The following RBFOX1 variants were observed in gnomAD, a reference collection of about 807,000 sequenced individuals.
The protein encoded by RBFOX1 is RNA binding protein fox-1 homolog 1.
Under a neutral mutation model 57.7 loss-of-function variants are expected in RBFOX1, and 8 were observed. That is an observed-to-expected ratio of 0.14 (90% confidence interval 0.08 to 0.25). The LOEUF is 0.25. Among genes scored for constraint, RBFOX1 ranks in the 10% least tolerant of loss-of-function variants. RBFOX1 has a pLI of 1.00. For synonymous variants in RBFOX1, 326 were observed against 222.4 expected (o/e 1.47, Z -4.15); for missense variants, 611 against 548.5 (o/e 1.11, Z -1.14).
At chr16:6,585,518 C>G (rs1345711554) in intron 2 of RBFOX1, among the ~76,000 whole-genome samples, 2 of 152,204 alleles carry the variant, frequency 1.3e-5, no homozygotes, top group African/African-American at 4.8e-5. Context: ...TTCATCTTGA[C>G]ATGTTTTGCA....
chr16:7,076,706 T>C (rs553348097), intron 4 of RBFOX1, among the ~76,000 whole-genome samples: 12 of 152,310 alleles, frequency 7.9e-5, no homozygotes, highest in Non-Finnish European at 1.6e-4. Flanking sequence ...AAATACCACC[T>C]TCCCATTTCT....
At chr16:5,885,547 CT>C (rs1394565933) in intron 4 of RBFOX1, among the ~76,000 whole-genome samples, 3 of 152,106 alleles carry the variant, frequency 2.0e-5, no homozygotes, top group Admixed American at 1.3e-4. Flanking sequence ...ATCTCCTTTC[CT>C]TCCTCAAAGT....
chr16:7,170,417 A>G (rs907760510), intron 4 of RBFOX1, among the ~76,000 whole-genome samples: 6 of 152,012 alleles, frequency 3.9e-5, no homozygotes, highest in African/African-American at 1.5e-4. Flanking sequence ...GACTACAGGC[A>G]CAGGTCACCA....
At chr16:6,123,269 T>G (rs753486320) in intron 1 of RBFOX1, among the ~76,000 whole-genome samples, 1 of 152,198 alleles carries the variant, frequency 6.6e-6, no homozygotes, top group Non-Finnish European at 1.5e-5. Flanking sequence ...CATCCATGGA[T>G]GAATGAATAA....
At chr16:7,440,063 C>T (rs903124405) in intron 4 of RBFOX1, among the ~76,000 whole-genome samples, 2 of 151,406 alleles carry the variant, frequency 1.3e-5, no homozygotes, top group African/African-American at 4.9e-5. Context: ...GTGATCCTCC[C>T]ACCTCAGCCC....
intron 2 of RBFOX1, among the ~76,000 whole-genome samples, chr16:6,371,025 G>A (rs1268504084): frequency 1.3e-5 from 2 of 152,122 alleles, no homozygotes; most frequent in Non-Finnish European, 2.9e-5. Context: ...ATACCCCCAA[G>A]TAATAATGTC....
intron 3 of RBFOX1, among the ~76,000 whole-genome samples, chr16:5,680,407 G>T (rs61172266): frequency 0.074 from 11,324 of 152,138 alleles, 1,359 homozygotes; most frequent in African/African-American, 0.25. Flanking sequence ...ATCCATGGGG[G>T]CTGAGGCAGG....
At chr16:6,131,066 G>C (rs1193384739) in intron 1 of RBFOX1, among the ~76,000 whole-genome samples, 1 of 152,126 alleles carries the variant, frequency 6.6e-6, no homozygotes, top group East Asian at 1.9e-4. Context: ...CATACTCTAT[G>C]TTTCCATTTA....
At chr16:6,234,405 G>T (rs1039077975) in intron 1 of RBFOX1, among the ~76,000 whole-genome samples, 12 of 152,164 alleles carry the variant, frequency 7.9e-5, no homozygotes, top group Non-Finnish European at 1.5e-4. Flanking sequence ...GTCCCATGAG[G>T]ATAGGGGCTA....
chr16:7,248,148 C>A (rs73552731), intron 4 of RBFOX1, among the ~76,000 whole-genome samples: 1 of 152,166 alleles, frequency 6.6e-6, no homozygotes, highest in African/African-American at 2.4e-5. Flanking sequence ...AGATGGCTCT[C>A]AGTTTTGAGC....
At chr16:6,513,778 T>G (rs887917359) in intron 2 of RBFOX1, among the ~76,000 whole-genome samples, 1 of 152,026 alleles carries the variant, frequency 6.6e-6, no homozygotes, top group African/African-American at 2.4e-5. Flanking sequence ...CTGGAAACCA[T>G]GACATCATTG....
At chr16:6,597,765 C>A (rs1286651549) in intron 2 of RBFOX1, among the ~76,000 whole-genome samples, 1 of 152,180 alleles carries the variant, frequency 6.6e-6, no homozygotes, top group Non-Finnish European at 1.5e-5. Flanking sequence ...GGATTTTCTT[C>A]CAGTTTAAAA....
At chr16:7,698,467 G>C (rs2079537635) in intron 14 of RBFOX1, among the ~76,000 whole-genome samples, 1 of 152,056 alleles carries the variant, frequency 6.6e-6, no homozygotes, top group African/African-American at 2.4e-5. Flanking sequence ...CCAATTAGAA[G>C]CAAGTTCAGG....
chr16:6,611,507 C>G (rs1320382756), intron 2 of RBFOX1, among the ~76,000 whole-genome samples: 1 of 152,128 alleles, frequency 6.6e-6, no homozygotes. Context: ...CTTGGATGCT[C>G]TTTGCCCCCG....
At chr16:5,709,837 ATATATATTTTTTTTTTTTTTTTTT>A (rs1328480594) in intron 3 of RBFOX1, among the ~76,000 whole-genome samples, 10 of 6,856 alleles carry the variant, frequency 1.5e-3, no homozygotes, top group East Asian at 0.016. Context: ...ATATATATAT[ATATATATTTTTTTTTTTTTTTTTT>A]TTTTTTTTTT....
rs77402537 is a variant in RBFOX1, at chr16:5,629,624, G to A, written c.318+30663G>A. Among the ~76,000 whole-genome samples, 900 of 152,300 alleles carry A rather than the reference G, an allele frequency of 5.9e-3. 8 individuals are homozygous for A. The highest frequency in any genetic ancestry group is 0.021 in the African/African-American group (855 of 41,556). ...CTGGTTTCCACAAGAGATCTTGTCC[G>A]TGGTGCCTGCTTGGGGTCTTGGTAT... On this transcript the variant is annotated intron_variant, in intron 3 of 19. Coordinates refer to the RBFOX1 transcript ENST00000641259.
chr16:6,892,823 T>A (rs2065839697), intron 3 of RBFOX1, among the ~76,000 whole-genome samples: 1 of 120,424 alleles, frequency 8.3e-6, no homozygotes, highest in Admixed American at 9.6e-5. Flanking sequence ...TCTCTCTCTC[T>A]CTCTATTCTG....
chr16:5,873,326 G>A (rs939164048), intron 4 of RBFOX1, among the ~76,000 whole-genome samples: 1 of 152,206 alleles, frequency 6.6e-6, no homozygotes, highest in Non-Finnish European at 1.5e-5. Flanking sequence ...TCACATTGGA[G>A]TTAATGGCCC....
intron 3 of RBFOX1, among the ~76,000 whole-genome samples, chr16:6,968,136 C>T (rs2084702918): frequency 6.6e-6 from 1 of 152,136 alleles, no homozygotes; most frequent in Non-Finnish European, 1.5e-5. Flanking sequence ...ACAGACACCA[C>T]CGCTAGACTC....
Sources: gnomAD v4.1 joint callset for allele counts (sites outside exome capture counted in the v4.1 genomes callset) on GRCh38, gnomAD v4.1.1 for gene constraint, MANE v1.5 for transcripts, NCBI Gene and HGNC (gene_info 2026-07-23, HGNC 2026-07-21) for gene names.